Variants in ZCWPW2 observed in about 807,000 individuals in gnomAD.
The protein encoded by ZCWPW2 is zinc finger CW-type and PWWP domain containing 2.
Under a neutral mutation model 46.6 loss-of-function variants are expected in ZCWPW2, and 45 were observed. The ratio of observed to expected loss-of-function variants is 0.96; its 90% CI spans 0.76 to 1.24. ZCWPW2 has a LOEUF of 1.24. Among genes scored for constraint, ZCWPW2 ranks in the 50% most tolerant of loss-of-function variants. The probability of loss-of-function intolerance (pLI) is 0.00; values close to 1 mark genes in which losing one functional copy is unlikely to be tolerated. For missense variants in ZCWPW2, 429 were observed against 403.9 expected (o/e 1.06, Z -0.53); for synonymous variants, 152 against 137.1 (o/e 1.11, Z -0.76).
intron 2 of ZCWPW2, among the ~76,000 whole-genome samples, chr3:28,391,308 C>A (rs1695478479): frequency 1.4e-5 from 2 of 147,918 alleles, no homozygotes; most frequent in African/African-American, 4.9e-5. Context: ...CAATATGGAG[C>A]ACTACATGAT....
intron 4 of ZCWPW2, among the ~76,000 whole-genome samples, chr3:28,464,452 G>C (rs111410804): frequency 7.2e-4 from 109 of 152,176 alleles, no homozygotes; most frequent in African/African-American, 2.6e-3. Context: ...TCCTCTCGAG[G>C]AAGTTGGCAA....
chr3:28,437,457 A>T (rs1038821927), intron 4 of ZCWPW2, among the ~76,000 whole-genome samples: 16 of 152,030 alleles, frequency 1.1e-4, no homozygotes, highest in African/African-American at 1.4e-4. Context: ...TTTAAATTAA[A>T]TTTTTTTTGT....
At chr3:28,421,877 T>TG (rs1696807316) in intron 3 of ZCWPW2, among the ~76,000 whole-genome samples, 2 of 150,210 alleles carry the variant, frequency 1.3e-5, no homozygotes, top group East Asian at 1.9e-4. Context: ...TGTGTGTGTG[T>TG]TTAGCTTCTT....
chr3:28,508,818 ACTC>A (rs1700348105), intron 6 of ZCWPW2, among the ~76,000 whole-genome samples: 1 of 151,838 alleles, frequency 6.6e-6, no homozygotes, highest in Non-Finnish European at 1.5e-5. Context: ...GTGAGCCACT[ACTC>A]CTGTCCCTTT....
chr3:28,511,135 T>C, intron 6 of ZCWPW2: 1 of 443,654 alleles, frequency 2.3e-6, no homozygotes, highest in Non-Finnish European at 4.5e-6. Flanking sequence ...GAGGTAAATG[T>C]ATGACAATCT....
chr3:28,492,246 ATAT>A, intron 6 of ZCWPW2, 73 bp downstream of exon 6: 4 of 1,325,120 alleles, frequency 3.0e-6, no homozygotes, highest in Non-Finnish European at 4.1e-6. Context: ...AAAGAAAATT[ATAT>A]TATTTAAAAA....
At chr3:28,440,695 C>T (rs974714611) in intron 4 of ZCWPW2, among the ~76,000 whole-genome samples, 1 of 152,176 alleles carries the variant, frequency 6.6e-6, no homozygotes, top group Non-Finnish European at 1.5e-5. Context: ...TGCCACGCTT[C>T]TTTAGCTGTA....
intron 2 of ZCWPW2, among the ~76,000 whole-genome samples, chr3:28,407,284 T>A (rs2125735076): frequency 6.6e-6 from 1 of 152,342 alleles, no homozygotes; most frequent in African/African-American, 2.4e-5. Context: ...TAGGTATTTG[T>A]ACATCTAACA....
intron 6 of ZCWPW2, among the ~76,000 whole-genome samples, chr3:28,498,237 A>ATG (rs1436513785): frequency 8.6e-6 from 1 of 115,638 alleles, no homozygotes; most frequent in African/African-American, 3.6e-5. Context: ...ATACATATAT[A>ATG]CGTGTGTGTG....
intron 4 of ZCWPW2, among the ~76,000 whole-genome samples, chr3:28,439,086 TACACATATATAC>T (rs1224573849): frequency 2.9e-5 from 4 of 140,270 alleles, no homozygotes; most frequent in East Asian, 2.1e-4. Context: ...CACATATATA[TACACATATATAC>T]ACACACACAC....
chr3:28,383,080 G>A lies in ZCWPW2; in HGVS notation c.-133-7418G>A, dbSNP rs2125711860. Among the ~76,000 whole-genome samples the A allele has an allele frequency of 2.6e-5, 4 of 152,244 alleles. No individual in the cohort carries two copies. The South Asian group carries it at 8.3e-4, about 32-fold the overall frequency. On this transcript the variant is annotated intron_variant, in intron 1 of 9. Transcript: ENST00000383768. ...AGCTTTCTAGTGCAAATACCTTGAA[G>A]GAGAGGGTAATTCCTAAATATACAG...
intron 1 of ZCWPW2, among the ~76,000 whole-genome samples, chr3:28,370,234 G>A (rs948703643): frequency 2.6e-5 from 4 of 152,124 alleles, no homozygotes; most frequent in African/African-American, 7.2e-5. Context: ...GAAATCACCC[G>A]TCTTCTGCAT....
Position 28,463,251 on chromosome 3 carries a change from A to G in ZCWPW2, c.493-15563A>G, listed in dbSNP as rs113456847. ...CTGATTGAGAAAACTCAAGTTGCCA[A>G]AGTAATATAAACATATTAAGGATAT... is the stretch of plus-strand genomic sequence containing the variant. On this transcript the variant is annotated intron_variant, in intron 4 of 9. Coordinates refer to ENST00000383768, the MANE Select transcript of ZCWPW2 (RefSeq NM_001040432.4). 7.8e-3 allele frequency among the ~76,000 whole-genome samples: 1,185 copies of G among 152,254 alleles called. 18 individuals carry two copies. Among genetic ancestry groups the G allele is most frequent in the African/African-American group, 0.027 (1,119 of 41,554 alleles).
At chr3:28,491,096 A>T (rs138811361) in intron 5 of ZCWPW2, among the ~76,000 whole-genome samples, 5 of 152,240 alleles carry the variant, frequency 3.3e-5, no homozygotes, top group African/African-American at 4.8e-5. Context: ...AGAAAGTTTC[A>T]TGGCTTTATA....
intron 4 of ZCWPW2, among the ~76,000 whole-genome samples, chr3:28,469,569 A>G (rs1698958270): frequency 1.3e-5 from 2 of 152,144 alleles, no homozygotes; most frequent in Admixed American, 1.3e-4. Flanking sequence ...ATGAGTAGAT[A>G]TACTTAATAC....
chr3:28,470,604 G>A (rs982157758), intron 4 of ZCWPW2, among the ~76,000 whole-genome samples: 7 of 151,404 alleles, frequency 4.6e-5, no homozygotes, highest in Non-Finnish European at 8.8e-5. Context: ...TACTAAAAGG[G>A]AAGTTTATAG....
intron 1 of ZCWPW2, among the ~76,000 whole-genome samples, chr3:28,384,831 G>T (rs1695216907): frequency 6.6e-6 from 1 of 151,980 alleles, no homozygotes; most frequent in African/African-American, 2.4e-5. Flanking sequence ...GGCCAGGCTG[G>T]TCTCGAACTC....
intron 5 of ZCWPW2, among the ~76,000 whole-genome samples, chr3:28,488,783 T>C (rs1480091609): frequency 6.6e-6 from 1 of 152,176 alleles, no homozygotes; most frequent in Non-Finnish European, 1.5e-5. Context: ...TCCTGTTAAC[T>C]GCTTTTCACT....
At chr3:28,479,028 T>G in intron 5 of ZCWPW2, 97 bp downstream of exon 5, 1 of 732,290 alleles carries the variant, frequency 1.4e-6, no homozygotes, top group Non-Finnish European at 2.2e-6. Context: ...CTCTATCTCT[T>G]TCTCTTCATA....
Sources: allele counts gnomAD v4.1 joint callset (sites outside exome capture counted in the v4.1 genomes callset), GRCh38; gene constraint gnomAD v4.1.1; transcripts MANE v1.5; gene names NCBI Gene and HGNC (gene_info 2026-07-23, HGNC 2026-07-21).